ENOSF1: variants seen among roughly 807,000 people sequenced by gnomAD.
The protein encoded by ENOSF1 is enolase superfamily member 1.
A neutral mutation model predicts 68.2 loss-of-function variants in ENOSF1; 73 were observed. The ratio of observed to expected loss-of-function variants is 1.07; its 90% CI spans 0.89 to 1.30. The LOEUF (loss-of-function observed/expected upper bound fraction) is 1.30, where lower values mean the gene tolerates loss of function less well. Among genes scored for constraint, ENOSF1 ranks in the 50% most tolerant of loss-of-function variants. The pLI, the probability that ENOSF1 is intolerant of heterozygous loss-of-function variation, is 0.00. For synonymous variants in ENOSF1, 223 were observed against 210.4 expected, an observed-to-expected ratio of 1.06 and a Z score of -0.52; for missense variants, 589 against 554.5, an observed-to-expected ratio of 1.06 and a Z score of -0.62.
chr18:682,928 A>AC (rs2076224283), intron 11 of ENOSF1: 1 of 234,306 alleles, frequency 4.3e-6, no homozygotes, highest in Non-Finnish European at 8.2e-6. Context: ...AAAACAAAAA[A>AC]AAAAAATGCT....
chr18:670,950 G>A lies in ENOSF1; in HGVS notation c.*3355C>T, dbSNP rs189883916. On this transcript the variant is annotated 3_prime_UTR_variant, in exon 16 of 16. Transcript: ENST00000647584. ...TTAATATGGGAAAACAAATTGCAGA[G>A]TTTAGTCTCTGATTAGCTTTTAAAT... 10 of 1,483,680 alleles carry A rather than the reference G, an allele frequency of 6.7e-6. No homozygotes were observed. The highest frequency in any genetic ancestry group is 4.6e-5 in the East Asian group (2 of 43,792). The allele number at this position is 1,483,680 out of a possible 1,614,324, so 91.9% of individuals were successfully genotyped here.
At position 673,204 on chromosome 18, in the gene ENOSF1, A is replaced by T. The variant is rs569492415; in HGVS notation, c.*1101T>A. On this transcript the variant is annotated 3_prime_UTR_variant, in exon 16 of 16. Coordinates refer to ENST00000647584, the MANE Select transcript of ENOSF1 (RefSeq NM_017512.7). The stretch of plus-strand genomic sequence containing the variant: ...ATAATAAAAGGCTTTGAGTTAACTC[A>T]CTGAGGGTATCTGACAATGCTGAGG... 2.2e-6 allele frequency: 1 copy of T among 447,026 alleles called. No homozygotes were observed. The highest frequency in any genetic ancestry group is 3.9e-6 in the Non-Finnish European group (1 of 258,192). 27.7% of individuals were successfully genotyped at this position (447,026 alleles called of 1,614,324 possible).
In ENOSF1 at chr18:691,187, A is replaced by G. The variant is rs2077125324; in HGVS notation, c.496+17T>C. 1 of 1,614,058 alleles carries G rather than the reference A, an allele frequency of 6.2e-7. No individual in the cohort carries two copies. The highest frequency in any genetic ancestry group is 1.3e-5 in the African/African-American group (1 of 75,026). On this transcript the variant is annotated intron_variant, in intron 6 of 15. Transcript: ENST00000647584. ...TGTGTGTGCACGTCGTGTATCCCAGAAAGCTTCCAAACTCACCTAGGGCAT... is the reference window on the plus strand; with the variant it reads ...TGTGTGTGCACGTCGTGTATCCCAGGAAGCTTCCAAACTCACCTAGGGCAT...
At position 672,820 on chromosome 18, in the gene ENOSF1, G is replaced by C. The variant is rs771981939; in HGVS notation, c.*1485C>G. 1 of 1,538,692 alleles carries C rather than the reference G, an allele frequency of 6.5e-7. No homozygotes were observed. ...ACATGAGGAGCAATTACAACAGGTC[G>C]TACAATTATGGCAAAATAATGGCCT... is the stretch of plus-strand genomic sequence containing the variant. On this transcript the variant is annotated 3_prime_UTR_variant, in exon 16 of 16. Transcript: ENST00000647584.
intron 2 of ENOSF1, among the ~76,000 whole-genome samples, chr18:698,404 C>A (rs1185197854): frequency 6.6e-6 from 1 of 151,952 alleles, no homozygotes; most frequent in Middle Eastern, 3.2e-3. Context: ...ATAGAAAATG[C>A]CTTGAATTCA....
chr18:667,454 TGATGATGGA>T (rs1204043569), downstream of ENOSF1, among the ~76,000 whole-genome samples: 52 of 1,288 alleles, frequency 0.04, 17 homozygotes, highest in East Asian at 0.17. Flanking sequence ...ATGGTGATGG[TGATGATGGA>T]GATGGTGATG....
chr18:690,428 G>T, intron 8 of ENOSF1, 121 bp downstream of exon 8: 1 of 1,140,098 alleles, frequency 8.8e-7, no homozygotes. Context: ...GCGTGAGAAG[G>T]AAAACCACAC....
In ENOSF1 at chr18:697,316, T is replaced by C. The variant is rs752473247; in HGVS notation, c.233A>G (p.Asn78Ser). The C allele has an allele frequency of 3.8e-5, 61 of 1,614,042 alleles. No homozygotes were observed. Among genetic ancestry groups the C allele is most frequent in the Non-Finnish European group, 5.2e-5 (61 of 1,179,938 alleles). The change falls in exon 3 of 16, where the codon AAC (asparagine) becomes AGC (serine). Residue 78 changes from asparagine to serine, a missense_variant. Transcript: ENST00000647584. ...AVNALAHHVL[N>S]KDLKDIVGDF... ...ACCAACAATGTCCTTGAGGTCCTTG[T>C]TGAGCACATGGTGGGCGAGGGCATT...
At chr18:697,423 A>G in intron 2 of ENOSF1, 68 bp from the exon 3 acceptor site, 1 of 1,150,658 alleles carries the variant, frequency 8.7e-7, no homozygotes, top group South Asian at 1.3e-5. Flanking sequence ...ACCTGAAAAC[A>G]TCACAAACAA....
chr18:685,874 C>T, intron 10 of ENOSF1, 47 bp downstream of exon 10: 1 of 1,375,456 alleles, frequency 7.3e-7, no homozygotes, highest in Non-Finnish European at 1.0e-6. Context: ...TTGTATTTAG[C>T]CCTGGACAAA....
chr18:707,473 G>C (rs556273257), intron 1 of ENOSF1: 3 of 152,354 alleles, frequency 2.0e-5, no homozygotes, highest in African/African-American at 7.2e-5. Flanking sequence ...ACTTATAGCA[G>C]TTTATAGCAG....
chr18:678,627 T>G, intron 12 of ENOSF1, 69 bp downstream of exon 12: 1 of 1,497,632 alleles, frequency 6.7e-7, no homozygotes, highest in Non-Finnish European at 9.3e-7. Flanking sequence ...CACAACTGTG[T>G]CCTCGGTCAC....
At chr18:700,890 CAAAA>C (rs71174273) in intron 2 of ENOSF1, among the ~76,000 whole-genome samples, 1 of 64,916 alleles carries the variant, frequency 1.5e-5, no homozygotes. Flanking sequence ...AACTCTGCCT[CAAAA>C]AAAAAAAAAA....
Position 673,581 on chromosome 18 carries a change from T to C in ENOSF1, c.*724A>G, listed in dbSNP as rs142403773. On this transcript the variant is annotated 3_prime_UTR_variant, in exon 16 of 16. Coordinates refer to ENST00000647584, the MANE Select transcript of ENOSF1 (RefSeq NM_017512.7). ...TTAAAGAACTCTCCTTAAGTAAACATGTGCTGTATTCTGGTTTGGATGCTA... is the reference window on the plus strand; with the variant it reads ...TTAAAGAACTCTCCTTAAGTAAACACGTGCTGTATTCTGGTTTGGATGCTA... The C allele has an allele frequency of 3.8e-3, 680 of 180,602 alleles. 2 individuals are homozygous for C. The highest frequency in any genetic ancestry group is 0.015 in the African/African-American group (648 of 42,550). 11.2% of individuals were successfully genotyped at this position (180,602 alleles called of 1,614,324 possible). A position where few individuals can be genotyped will look rare whatever the true frequency, so the allele number is the denominator to read the frequency against.
intron 9 of ENOSF1, 154 bp from the exon 10 acceptor site, chr18:686,162 G>A: frequency 1.6e-6 from 1 of 626,584 alleles, no homozygotes; most frequent in East Asian, 2.8e-5. Flanking sequence ...TAAGTCACTT[G>A]AAATAAACCT....
intron 10 of ENOSF1, 55 bp downstream of exon 10, chr18:685,866 G>C (rs1212438192): frequency 1.5e-6 from 2 of 1,293,984 alleles, no homozygotes; most frequent in East Asian, 4.6e-5. Context: ...GAAACGAGTT[G>C]TATTTAGCCC....
At position 712,299 on chromosome 18, in the gene ENOSF1, C is replaced by A; in HGVS notation, c.84+205G>T. ...ATGGGTTCGAAGTCGGGAAGCTGCCCGGGGCCCGCAGAGCTGCAGTCGGCG... is the reference window on the plus strand; with the variant it reads ...ATGGGTTCGAAGTCGGGAAGCTGCCAGGGGCCCGCAGAGCTGCAGTCGGCG... On this transcript the variant is annotated intron_variant, in intron 1 of 15. Coordinates refer to ENST00000647584, the MANE Select transcript of ENOSF1 (RefSeq NM_017512.7). 5.3e-6 allele frequency: 8 copies of A among 1,511,416 alleles called. No homozygotes were observed. In the Admixed American group the frequency reaches 6.2e-5, roughly 12 times the overall value. The allele number at this position is 1,511,416 out of a possible 1,614,324, so 93.6% of individuals were successfully genotyped here.
At chr18:668,238 A>ATCTT (rs34543484), downstream of ENOSF1, among the ~76,000 whole-genome samples, 16,769 of 152,092 alleles carry the variant, frequency 0.11, 1,097 homozygotes, top group Non-Finnish European at 0.15. Context: ...TCTTTTTAAA[A>ATCTT]TCTTTGATGT....
intron 15 of ENOSF1, among the ~76,000 whole-genome samples, chr18:674,854 G>A (rs1172055639): frequency 1.3e-5 from 2 of 152,216 alleles, no homozygotes; most frequent in Non-Finnish European, 2.9e-5. Context: ...TTTGGAGACT[G>A]TTGGAAATAA....
Sources: allele counts gnomAD v4.1 joint callset (sites outside exome capture counted in the v4.1 genomes callset), GRCh38; gene constraint gnomAD v4.1.1; transcripts MANE v1.5; gene names NCBI Gene and HGNC (gene_info 2026-07-23, HGNC 2026-07-21).